ARHGAP10: variants seen among roughly 807,000 people sequenced by gnomAD.
The protein encoded by ARHGAP10 is rho GTPase-activating protein 10.
ARHGAP10 carries 87 observed loss-of-function variants against 108.6 expected under a neutral mutation model. The observed-to-expected ratio is 0.80, with a 90% CI of 0.67 to 0.96. The LOEUF (loss-of-function observed/expected upper bound fraction) is 0.96. Among genes scored for constraint, ARHGAP10 ranks in the 40% least tolerant of loss-of-function variants. ARHGAP10 has a pLI of 0.00. For synonymous variants in ARHGAP10, 347 were observed against 341.1 expected, an observed-to-expected ratio of 1.02 and a Z score of -0.19; for missense variants, 939 against 954.5, an observed-to-expected ratio of 0.98 and a Z score of 0.21.
chr4:147,919,611 T>A (rs895900749), intron 13 of ARHGAP10, among the ~76,000 whole-genome samples: 1 of 152,132 alleles, frequency 6.6e-6, no homozygotes, highest in African/African-American at 2.4e-5. Context: ...CCCTCTCTGT[T>A]GCCCAGACTA....
At chr4:147,863,865 T>A (rs1481327043) in intron 5 of ARHGAP10, 1 of 152,224 alleles carries the variant, frequency 6.6e-6, no homozygotes, top group East Asian at 1.9e-4. Flanking sequence ...CCACTAATGA[T>A]GCACAAGGGT....
chr4:147,794,054 A>T (rs1007286326), intron 1 of ARHGAP10, among the ~76,000 whole-genome samples: 1 of 152,210 alleles, frequency 6.6e-6, no homozygotes, highest in Non-Finnish European at 1.5e-5. Flanking sequence ...GTTGTGAAGG[A>T]TACAAAGACT....
At chr4:147,907,879 G>C (rs1446475928) in intron 11 of ARHGAP10, among the ~76,000 whole-genome samples, 1 of 152,168 alleles carries the variant, frequency 6.6e-6, no homozygotes, top group Non-Finnish European at 1.5e-5. Context: ...ATCTCACTCT[G>C]TTGCCCAGTC....
chr4:147,857,632 A>G lies in ARHGAP10; in HGVS notation c.464A>G (p.Lys155Arg), dbSNP rs1039689585. Reference protein sequence around the residue: ...IDKHLNLSAKKKDSHLQEADI... With the variant: ...IDKHLNLSAKRKDSHLQEADI... Reference sequence around the variant, plus strand: ...AAACATTTGAATTTATCAGCAAAAAAGAAAGACTCACATTTACAAGAGGTA... The same window carrying G: ...AAACATTTGAATTTATCAGCAAAAAGGAAAGACTCACATTTACAAGAGGTA... The change falls in exon 5 of 23, where the codon AAG (lysine) becomes AGG (arginine). Residue 155 changes from lysine to arginine, a missense_variant. Physicochemically the swap from Lys to Arg is conservative, Grantham distance 26. Coordinates refer to ENST00000336498, the MANE Select transcript of ARHGAP10 (RefSeq NM_024605.4). 5 of 1,495,726 alleles carry G rather than the reference A, an allele frequency of 3.3e-6. No homozygotes were observed. In the South Asian group the frequency reaches 5.5e-5, roughly 16 times the overall value. The allele number at this position is 1,495,726 out of a possible 1,614,324, so 92.7% of individuals were successfully genotyped here. A position where few individuals can be genotyped will look rare whatever the true frequency, so the allele number is the denominator to read the frequency against.
intron 1 of ARHGAP10, among the ~76,000 whole-genome samples, chr4:147,760,462 A>G: frequency 6.6e-6 from 1 of 152,080 alleles, no homozygotes; most frequent in Non-Finnish European, 1.5e-5. Context: ...CTGCTTGTGG[A>G]CAGAGCGGCA....
intron 18 of ARHGAP10, among the ~76,000 whole-genome samples, chr4:148,020,697 G>T (rs1482120434): frequency 2.6e-5 from 4 of 151,928 alleles, no homozygotes; most frequent in Non-Finnish European, 4.4e-5. Flanking sequence ...TCTATTATTG[G>T]TGGGCATTTG....
intron 1 of ARHGAP10, among the ~76,000 whole-genome samples, chr4:147,784,776 A>ATTATAAAAT (rs1730782916): frequency 1.4e-4 from 4 of 29,196 alleles, no homozygotes; most frequent in African/African-American, 4.0e-4. Flanking sequence ...TTATAAATAT[A>ATTATAAAAT]ATATATTATA....
chr4:147,904,771 A>G (rs1443518192), intron 10 of ARHGAP10, among the ~76,000 whole-genome samples: 5 of 152,182 alleles, frequency 3.3e-5, no homozygotes, highest in Admixed American at 6.5e-5. Flanking sequence ...TGGGTCAAAT[A>G]GTATTTCTAG....
At chr4:147,913,674 A>T (rs1041343531) in intron 13 of ARHGAP10, among the ~76,000 whole-genome samples, 6 of 152,188 alleles carry the variant, frequency 3.9e-5, no homozygotes, top group African/African-American at 1.4e-4. Context: ...TCCCATCTCT[A>T]AATACAGTCA....
chr4:147,885,118 C>T (rs571918141), intron 10 of ARHGAP10, among the ~76,000 whole-genome samples: 11 of 150,860 alleles, frequency 7.3e-5, no homozygotes, highest in African/African-American at 2.7e-4. Flanking sequence ...CTAGATGGTA[C>T]CATTCACTAA....
chr4:147,933,493 C>T (rs771187952), intron 13 of ARHGAP10, among the ~76,000 whole-genome samples: 1 of 152,204 alleles, frequency 6.6e-6, no homozygotes, highest in Admixed American at 6.5e-5. Context: ...TTCAGAGGGC[C>T]TTCCAGGATT....
intron 18 of ARHGAP10, 115 bp from the exon 19 acceptor site, chr4:148,023,148 C>G: frequency 1.6e-6 from 2 of 1,231,870 alleles, no homozygotes; most frequent in East Asian, 4.9e-5. Context: ...GGATTTTGGG[C>G]TCTAGCCTGT....
chr4:147,831,191 G>A (rs1363806156), intron 3 of ARHGAP10, among the ~76,000 whole-genome samples: 1 of 152,228 alleles, frequency 6.6e-6, no homozygotes, highest in Non-Finnish European at 1.5e-5. Context: ...GGTTAGATCT[G>A]TCTGGACGTT....
chr4:147,759,582 C>A (rs1394529944), intron 1 of ARHGAP10, among the ~76,000 whole-genome samples: 1 of 9,286 alleles, frequency 1.1e-4, no homozygotes, highest in Admixed American at 2.9e-3. Context: ...GATACACCGC[C>A]CCCCCCCCCC....
intron 13 of ARHGAP10, among the ~76,000 whole-genome samples, chr4:147,931,558 A>G (rs1017661421): frequency 6.6e-6 from 1 of 152,104 alleles, no homozygotes; most frequent in Admixed American, 6.5e-5. Context: ...TTCTGTGCCC[A>G]CCTATTCTAT....
At position 147,732,224 on chromosome 4, in the gene ARHGAP10, C is replaced by T. The variant is rs943461228; in HGVS notation, c.-78C>T. On this transcript the variant is annotated 5_prime_UTR_variant, in exon 1 of 23. Coordinates refer to ENST00000336498, the MANE Select transcript of ARHGAP10 (RefSeq NM_024605.4). The stretch of plus-strand genomic sequence containing the variant: ...TCTGTGCTCCCTGAACGCGCGGCGC[C>T]GCACCTGGCAGCGGCCTCGGAGCTC... The T allele has an allele frequency of 2.1e-6, 3 of 1,396,516 alleles. No individual in the cohort carries two copies. Among genetic ancestry groups the T allele is most frequent in the Admixed American group, 7.2e-5 (2 of 27,900 alleles). 86.5% of individuals were successfully genotyped at this position (1,396,516 alleles called of 1,614,324 possible).
intron 7 of ARHGAP10, among the ~76,000 whole-genome samples, chr4:147,869,310 G>A (rs957212781): frequency 9.9e-5 from 15 of 152,128 alleles, no homozygotes; most frequent in African/African-American, 2.7e-4. Context: ...TCCTTGCACG[G>A]CTCGTTTATT....
At chr4:147,923,887 C>A (rs1018575502) in intron 13 of ARHGAP10, among the ~76,000 whole-genome samples, 1 of 152,138 alleles carries the variant, frequency 6.6e-6, no homozygotes, top group Non-Finnish European at 1.5e-5. Flanking sequence ...ACATATTTTA[C>A]CAATTGCGCA....
At position 147,749,228 on chromosome 4, in the gene ARHGAP10, A is replaced by G. The variant is rs141360130; in HGVS notation, c.154+16773A>G. ...TCCTGTAGCTTGCCTGGATACAAGG[A>G]CAAGGTTGTTGGCACAGTGAGGTAT... On this transcript the variant is annotated intron_variant, in intron 1 of 22. Coordinates refer to ENST00000336498, the MANE Select transcript of ARHGAP10 (RefSeq NM_024605.4). 1.5e-3 allele frequency among the ~76,000 whole-genome samples: 223 copies of G among 152,344 alleles called. 5 individuals carry two copies. In the East Asian group the frequency reaches 0.037, roughly 25 times the overall value.
Sources: gnomAD v4.1 joint callset for allele counts (sites outside exome capture counted in the v4.1 genomes callset) on GRCh38, gnomAD v4.1.1 for gene constraint, MANE v1.5 for transcripts, NCBI Gene and HGNC (gene_info 2026-07-23, HGNC 2026-07-21) for gene names.